The following TPP2 variants were observed in gnomAD, a reference collection of about 807,000 sequenced individuals.
TPP2 encodes the protein tripeptidyl peptidase 2.
TPP2 carries 34 observed loss-of-function variants against 155.9 expected under a neutral mutation model. The observed-to-expected ratio is 0.22, with a 90% CI of 0.17 to 0.29. TPP2 has a LOEUF of 0.29. Ranked by LOEUF, TPP2 falls within the 10% of genes least tolerant of loss-of-function variation. The pLI, the probability that TPP2 is intolerant of heterozygous loss-of-function variation, is 1.00. For synonymous variants in TPP2, 510 were observed against 529.4 expected (o/e 0.96, Z 0.50); for missense variants, 1,028 against 1,522.3 (o/e 0.68, Z 5.40).
chr13:102,661,240 G>C (rs1884194631), intron 25 of TPP2, among the ~76,000 whole-genome samples: 1 of 145,292 alleles, frequency 6.9e-6, no homozygotes, highest in Admixed American at 6.9e-5. Flanking sequence ...AATATATAAA[G>C]AACGCTAACC....
intron 2 of TPP2, chr13:102,607,897 A>G (rs1480286529): frequency 5.4e-6 from 1 of 185,536 alleles, no homozygotes; most frequent in East Asian, 1.6e-4. Flanking sequence ...GGCCTCATTT[A>G]TTTTTAAATA....
chr13:102,651,937 A>G (rs1883518049), intron 24 of TPP2, among the ~76,000 whole-genome samples: 1 of 152,212 alleles, frequency 6.6e-6, no homozygotes, highest in Non-Finnish European at 1.5e-5. Context: ...AGGACTGTTC[A>G]CTGACAATTA....
chr13:102,674,814 C>T lies in TPP2; in HGVS notation c.3579+324C>T, dbSNP rs188627850. Reference sequence around the variant, plus strand: ...AGAAAATGCCTTCAGGCCCACCCTTCTCTAGTTATATGCTAATTTGTTGGT... The same window carrying T: ...AGAAAATGCCTTCAGGCCCACCCTTTTCTAGTTATATGCTAATTTGTTGGT... On this transcript the variant is annotated intron_variant, in intron 28 of 29. Transcript: ENST00000376052. 2.5e-3 allele frequency among the ~76,000 whole-genome samples: 378 copies of T among 152,290 alleles called. 3 individuals are homozygous for T. The highest frequency in any genetic ancestry group is 0.01 in the Middle Eastern group (3 of 294).
chr13:102,598,065 C>G (rs574111124), intron 1 of TPP2, among the ~76,000 whole-genome samples: 6 of 152,032 alleles, frequency 3.9e-5, no homozygotes, highest in African/African-American at 1.5e-4. Flanking sequence ...TCTGTAGATT[C>G]AAGGTATCAT....
Position 102,664,681 on chromosome 13 carries a change from C to T in TPP2, c.3241-114C>T, listed in dbSNP as rs1280114530. The stretch of plus-strand genomic sequence containing the variant: ...GAGCCCCTGGGCTACAAGTCAATTA[C>T]ATAGTTTACTCACACTGCAGTTGTA... On this transcript the variant is annotated intron_variant, in intron 26 of 29. Coordinates refer to ENST00000376052, the MANE Select transcript of TPP2 (RefSeq NM_001330588.2). 92 of 1,066,502 alleles carry T rather than the reference C, an allele frequency of 8.6e-5. 4 individuals are homozygous for T. In the South Asian group the frequency reaches 1.1e-3, roughly 12 times the overall value. 66.1% of individuals were successfully genotyped at this position (1,066,502 alleles called of 1,614,324 possible). A position where few individuals can be genotyped will look rare whatever the true frequency, so the allele number is the denominator to read the frequency against.
At position 102,597,021 on chromosome 13, in the gene TPP2, G is replaced by T; in HGVS notation, c.-18G>T. On this transcript the variant is annotated 5_prime_UTR_variant, in exon 1 of 30. Coordinates refer to ENST00000376052, the MANE Select transcript of TPP2 (RefSeq NM_001330588.2). ...CAGCCTGGCAGTTTGCCGCTTCCTC[G>T]TCCTCCATCCTGCGTCCATGGCCAC... 6.2e-7 allele frequency: 1 copy of T among 1,610,206 alleles called. No homozygotes were observed. Among genetic ancestry groups the T allele is most frequent in the Non-Finnish European group, 8.5e-7 (1 of 1,178,790 alleles).
Position 102,618,778 on chromosome 13 carries a change from T to A in TPP2, c.552T>A (p.Phe184Leu), listed in dbSNP as rs1000838395. 1.9e-6 allele frequency: 3 copies of A among 1,614,012 alleles called. No individual in the cohort carries two copies. The Middle Eastern group carries it at 5.0e-4, about 266-fold the overall frequency. Residue 184 changes from phenylalanine to leucine, a missense_variant, in exon 5 of 30, where the codon TTT becomes TTA. Around this residue, in one of 7 missense-constraint regions of TPP2, gnomAD observed 300 missense variants for 398.3 expected, o/e 0.75. Transcript: ENST00000376052. The part of the protein sequence containing the change: ...LQSQVELLNS[F>L]EKKYSDPGPV... Reference sequence around the variant, plus strand: ...GTCAAGTGGAATTGCTAAATTCTTTTGAGAAGAAATACAGCGATCCTGGCC... The same window carrying A: ...GTCAAGTGGAATTGCTAAATTCTTTAGAGAAGAAATACAGCGATCCTGGCC...
intron 2 of TPP2, among the ~76,000 whole-genome samples, chr13:102,612,956 A>G (rs1031309660): frequency 2.0e-5 from 3 of 152,236 alleles, no homozygotes; most frequent in Non-Finnish European, 2.9e-5. Flanking sequence ...GACAGTAGTG[A>G]ATAAATACTT....
In TPP2 at chr13:102,678,249, C is replaced by A. The variant is rs1247784422; in HGVS notation, c.3722C>A (p.Thr1241Asn). The A allele has an allele frequency of 1.2e-6, 2 of 1,613,342 alleles. No homozygotes were observed. The highest frequency in any genetic ancestry group is 1.7e-6 in the Non-Finnish European group (2 of 1,179,610). ...TAGCTGATGAAGTTACTTGGATGGA[C>A]CCATTGTGCATCTTTTACTGAAAAC... The part of the protein sequence containing the change: ...CIQLMKLLGW[T>N]HCASFTENWL... Residue 1241 changes from threonine (T) to asparagine (N), a missense_variant, in exon 30 of 30, where the codon ACC (threonine) becomes AAC (asparagine). By Grantham distance (65) the Thr-to-Asn change is moderately conservative (BLOSUM62 0). Coordinates refer to ENST00000376052, the MANE Select transcript of TPP2 (RefSeq NM_001330588.2).
chr13:102,657,366 T>C (rs1883926140), intron 25 of TPP2, among the ~76,000 whole-genome samples, 159 bp downstream of exon 25: 1 of 151,754 alleles, frequency 6.6e-6, no homozygotes. Context: ...TATAAATGTG[T>C]AATTTATTTA....
intron 6 of TPP2, 82 bp downstream of exon 6, chr13:102,623,122 C>T: frequency 7.0e-7 from 1 of 1,429,070 alleles, no homozygotes. Context: ...CAGCAACCTT[C>T]TAGAGAATTT....
At chr13:102,640,449 G>A (rs1882676835) in intron 16 of TPP2, 73 bp downstream of exon 16, 3 of 1,232,978 alleles carry the variant, frequency 2.4e-6, no homozygotes, top group Admixed American at 3.6e-5. Context: ...TATGAGGTTC[G>A]TTTATCTGTA....
At chr13:102,613,566 T>C (rs1034269511) in intron 2 of TPP2, among the ~76,000 whole-genome samples, 8 of 152,190 alleles carry the variant, frequency 5.3e-5, no homozygotes, top group Non-Finnish European at 8.8e-5. Context: ...TCCTTCTAGT[T>C]AGTGATAGAG....
chr13:102,622,914 A>C lies in TPP2; in HGVS notation c.658A>C (p.Lys220Gln), dbSNP rs1354981955. 9.3e-6 allele frequency: 15 copies of C among 1,613,910 alleles called. No individual in the cohort carries two copies. The highest frequency in any genetic ancestry group is 1.3e-5 in the Non-Finnish European group (15 of 1,179,936). Residue 220 changes from lysine to glutamine, a missense_variant, in exon 6 of 30, where the codon AAA (lysine) becomes CAA (glutamine). By Grantham distance (53) the Lys-to-Gln change is moderately conservative. Around this residue, in one of 7 missense-constraint regions of TPP2, gnomAD observed 300 missense variants for 398.3 expected, o/e 0.75. Coordinates refer to ENST00000376052, the MANE Select transcript of TPP2 (RefSeq NM_001330588.2). ...TTCTAATGAAGATGGGGACTTGAGT[A>C]AATCTACCGTGTTGAGAAACTACAA... is the stretch of plus-strand genomic sequence containing the variant. ...IDSNEDGDLS[K>Q]STVLRNYKEA...
chr13:102,652,438 AT>A (rs1268945189), intron 24 of TPP2, among the ~76,000 whole-genome samples: 22 of 108,580 alleles, frequency 2.0e-4, no homozygotes, highest in Non-Finnish European at 3.4e-4. Flanking sequence ...ATATATATAT[AT>A]ATATATATAT....
chr13:102,635,514 C>A, intron 11 of TPP2, 73 bp from the exon 12 acceptor site: 2 of 1,050,810 alleles, frequency 1.9e-6, no homozygotes, highest in South Asian at 2.7e-5. Context: ...TACAGGTGAT[C>A]GATCATACTG....
At chr13:102,668,711 A>G (rs1884773081) in intron 27 of TPP2, among the ~76,000 whole-genome samples, 1 of 152,210 alleles carries the variant, frequency 6.6e-6, no homozygotes, top group Non-Finnish European at 1.5e-5. Context: ...TGTAGCAGGT[A>G]TGGGTTGCAG....
intron 6 of TPP2, among the ~76,000 whole-genome samples, chr13:102,624,941 C>T (rs1190842739): frequency 3.5e-5 from 5 of 143,918 alleles, no homozygotes; most frequent in Non-Finnish European, 7.6e-5. Context: ...CTCACTGCAA[C>T]CTCTGCCTCC....
intron 13 of TPP2, 76 bp from the exon 14 acceptor site, chr13:102,637,006 T>C (rs1882425202): frequency 1.3e-6 from 2 of 1,485,048 alleles, no homozygotes. Flanking sequence ...TAAATTTTTT[T>C]GGAAAGATGT....
Sources: gnomAD v4.1 joint callset for allele counts (sites outside exome capture counted in the v4.1 genomes callset) on GRCh38, gnomAD v4.1.1 for gene constraint, gnomAD v4.1.1 regional missense constraint, MANE v1.5 for transcripts, NCBI Gene and HGNC (gene_info 2026-07-23, HGNC 2026-07-21) for gene names.